The following SCIN variants were observed in gnomAD, a reference collection of about 807,000 sequenced individuals.
The protein encoded by SCIN is scinderin.
SCIN carries 91 observed loss-of-function variants against 91.8 expected under a neutral mutation model. The ratio of observed to expected loss-of-function variants is 0.99; its 90% CI spans 0.84 to 1.18. The LOEUF is 1.18. Ranked by LOEUF, SCIN falls within the 50% of genes most tolerant of loss-of-function variation. The pLI is 0.00. For missense variants in SCIN, 1,087 were observed against 863.9 expected, an observed-to-expected ratio of 1.26 and a Z score of -3.24; for synonymous variants, 367 against 312.6, an observed-to-expected ratio of 1.17 and a Z score of -1.84.
chr7:12,587,366 G>A (rs1378724609), intron 3 of SCIN, among the ~76,000 whole-genome samples: 1 of 152,196 alleles, frequency 6.6e-6, no homozygotes, highest in Non-Finnish European at 1.5e-5. Context: ...TGAGGATGAG[G>A]ATGGATGTGT....
chr7:12,645,697 G>A (rs572548536), intron 13 of SCIN, among the ~76,000 whole-genome samples: 27 of 152,124 alleles, frequency 1.8e-4, no homozygotes, highest in South Asian at 1.7e-3. Flanking sequence ...CTATGTGTCC[G>A]TGTGTTCTCA....
chr7:12,602,053 C>T (rs369818990), intron 3 of SCIN, among the ~76,000 whole-genome samples: 2 of 152,124 alleles, frequency 1.3e-5, no homozygotes, highest in Non-Finnish European at 1.5e-5. Flanking sequence ...AGCCAGATAT[C>T]GGCGGAACCC....
At chr7:12,634,682 C>T (rs893650984) in intron 9 of SCIN, among the ~76,000 whole-genome samples, 1 of 152,112 alleles carries the variant, frequency 6.6e-6, no homozygotes, top group African/African-American at 2.4e-5. Context: ...AATGCTTTTA[C>T]CATGTTTGGG....
At chr7:12,574,238 A>G (rs988582866) in intron 1 of SCIN, among the ~76,000 whole-genome samples, 11 of 152,170 alleles carry the variant, frequency 7.2e-5, no homozygotes, top group Admixed American at 5.2e-4. Context: ...ATTGATACAT[A>G]CAACAACTTG....
In SCIN at chr7:12,658,953, GT is replaced by G; in HGVS notation, c.*6243del. On this transcript the variant is annotated 3_prime_UTR_variant, in exon 16 of 16. Coordinates refer to ENST00000297029, the MANE Select transcript of SCIN (RefSeq NM_001112706.3). Reference sequence around the variant, plus strand: ...TTTATGTTTTTTGTTGTTGTTGTTTGTTTTTGTTTTGTTTTGTTTTGAGATG... The same window carrying G: ...TTTATGTTTTTTGTTGTTGTTGTTTGTTTTGTTTTGTTTTGTTTTGAGATG... 1 of 151,648 alleles carries G rather than the reference GT, an allele frequency of 6.6e-6. No homozygotes were observed. Among genetic ancestry groups the G allele is most frequent in the Non-Finnish European group, 1.5e-5 (1 of 68,076 alleles). 9.4% of individuals were successfully genotyped at this position (151,648 alleles called of 1,614,324 possible). A position where few individuals can be genotyped will look rare whatever the true frequency, so the allele number is the denominator to read the frequency against.
intron 3 of SCIN, among the ~76,000 whole-genome samples, chr7:12,585,473 G>A (rs986868877): frequency 1.3e-5 from 2 of 152,068 alleles, no homozygotes; most frequent in South Asian, 4.2e-4. Flanking sequence ...CTACCCATGA[G>A]TCAATCTAAA....
intron 1 of SCIN, chr7:12,577,668 A>T: frequency 2.3e-6 from 1 of 442,626 alleles, no homozygotes; most frequent in Non-Finnish European, 4.4e-6. Context: ...CCTGGGCAAC[A>T]TATGGAGACC....
intron 3 of SCIN, among the ~76,000 whole-genome samples, chr7:12,602,965 T>A (rs746282729): frequency 6.6e-6 from 1 of 152,160 alleles, no homozygotes; most frequent in Non-Finnish European, 1.5e-5. Context: ...AGAGCATTAT[T>A]TGGGAAGTGA....
Position 12,581,145 on chromosome 7 carries a change from T to C in SCIN, c.440T>C (p.Val147Ala). Residue 147 changes from valine to alanine, a missense_variant, in exon 3 of 16, where the codon GTG becomes GCG. Val to Ala is a moderately conservative substitution (Grantham distance 64). Coordinates refer to ENST00000297029, the MANE Select transcript of SCIN (RefSeq NM_001112706.3). ...CTCCTACATGTGAAGGGTCGTAGAG[T>C]GGTGAGAGCCACAGAAGTTCCCCTT... ...KRLLHVKGRRVVRATEVPLSW... is the reference protein window; with the variant it reads ...KRLLHVKGRRAVRATEVPLSW... The C allele has an allele frequency of 1.3e-6, 2 of 1,551,322 alleles. No individual in the cohort carries two copies. Among genetic ancestry groups the C allele is most frequent in the Non-Finnish European group, 1.7e-6 (2 of 1,146,828 alleles).
At chr7:12,627,915 T>C (rs1783561168) in intron 8 of SCIN, among the ~76,000 whole-genome samples, 1 of 152,094 alleles carries the variant, frequency 6.6e-6, no homozygotes, top group Non-Finnish European at 1.5e-5. Flanking sequence ...CTCACTAGGA[T>C]AGTATGGGGT....
At position 12,578,143 on chromosome 7, in the gene SCIN, A is replaced by G; in HGVS notation, c.279A>G (p.Pro93=). The G allele has an allele frequency of 6.4e-7, 1 of 1,551,572 alleles. No individual in the cohort carries two copies. Among genetic ancestry groups the G allele is most frequent in the Non-Finnish European group, 8.7e-7 (1 of 1,146,810 alleles). Residue 93 remains proline (P), a synonymous_variant, in exon 2 of 16, where the codon CCA becomes CCG. Coordinates refer to ENST00000297029, the MANE Select transcript of SCIN (RefSeq NM_001112706.3). ...TGGATGACTATTTGGGTGGCAAGCC[A>G]GTGCAGAATAGAGAACTTCAAGGAT... ...VQMDDYLGGK[P]VQNRELQGYE... is the part of the protein sequence containing the mutation.
chr7:12,622,597 C>G (rs139981080), intron 4 of SCIN, among the ~76,000 whole-genome samples: 2 of 151,996 alleles, frequency 1.3e-5, no homozygotes, highest in South Asian at 2.1e-4. Context: ...AACAAGCAAC[C>G]TCAGTGCTTG....
chr7:12,636,144 AT>A lies in SCIN; in HGVS notation c.1410+14del. 6.2e-7 allele frequency: 1 copy of A among 1,604,022 alleles called. No individual in the cohort carries two copies. ...GAGGACAGGCTGTGCAGGTTGGGAT[AT>A]TTTTACCCCCAAAACTCACACAAGT... On this transcript the variant is annotated intron_variant, in intron 10 of 15. Transcript: ENST00000297029.
intron 1 of SCIN, chr7:12,571,263 C>T: frequency 6.3e-6 from 3 of 479,806 alleles, no homozygotes; most frequent in South Asian, 5.4e-5. Flanking sequence ...TGGTGACTGG[C>T]TTCTTCCCCT....
chr7:12,577,148 T>G lies in SCIN; in HGVS notation c.200-916T>G, dbSNP rs142375583. 2.0e-3 allele frequency among the ~76,000 whole-genome samples: 298 copies of G among 152,300 alleles called. 1 individual carries two copies. Among genetic ancestry groups the G allele is most frequent in the African/African-American group, 6.9e-3 (287 of 41,566 alleles). On this transcript the variant is annotated intron_variant, in intron 1 of 15. Transcript: ENST00000297029. ...ATACCTGGAACAATACCAAGTACATTAACACTTAATAAATGTTAGCGTGCT... is the reference window on the plus strand; with the variant it reads ...ATACCTGGAACAATACCAAGTACATGAACACTTAATAAATGTTAGCGTGCT...
rs1175957623 is a variant in SCIN, at chr7:12,577,867, A to G, written c.200-197A>G. 4 of 544,596 alleles carry G rather than the reference A, an allele frequency of 7.3e-6. No individual in the cohort carries two copies. In the South Asian group the frequency reaches 1.1e-4, roughly 15 times the overall value. The allele number at this position is 544,596 out of a possible 1,614,324, so 33.7% of individuals were successfully genotyped here. On this transcript the variant is annotated intron_variant, in intron 1 of 15. Coordinates refer to ENST00000297029, the MANE Select transcript of SCIN (RefSeq NM_001112706.3). ...CAACACCCTCTCTCAAAAAAAAAAAAAATAGACTAAAAAAATTGTTAATTA... is the reference window on the plus strand; with the variant it reads ...CAACACCCTCTCTCAAAAAAAAAAAGAATAGACTAAAAAAATTGTTAATTA...
At position 12,652,633 on chromosome 7, in the gene SCIN, C is replaced by A. The variant is rs1242770609; in HGVS notation, c.2066C>A (p.Thr689Lys). 1 of 1,612,246 alleles carries A rather than the reference C, an allele frequency of 6.2e-7. No individual in the cohort carries two copies. The highest frequency in any genetic ancestry group is 1.1e-5 in the South Asian group (1 of 90,732). ...ETDPSGRDKR[T>K]PIVIIKQGHE... Reference sequence around the variant, plus strand: ...GACCCTTCTGGAAGAGACAAGAGGACACCAATTGTCATCATAAAACAGGGC... The same window carrying A: ...GACCCTTCTGGAAGAGACAAGAGGAAACCAATTGTCATCATAAAACAGGGC... Residue 689 changes from threonine (T) to lysine (K), a missense_variant, in exon 16 of 16, where the codon ACA becomes AAA. Coordinates refer to ENST00000297029, the MANE Select transcript of SCIN (RefSeq NM_001112706.3).
rs531726295 is a variant in SCIN at position 12,638,026 on chromosome 7, C to T, written c.1410+1891C>T. 1.1e-3 allele frequency among the ~76,000 whole-genome samples: 172 copies of T among 152,316 alleles called. 1 individual carries two copies. The highest frequency in any genetic ancestry group is 3.9e-3 in the African/African-American group (161 of 41,576). On this transcript the variant is annotated intron_variant, in intron 10 of 15. Transcript: ENST00000297029. ...CTAGCCTGGTTCAATCTTCTGTACT[C>T]TCCTAAGTTCAACTGCTCCTCCTTT...
intron 3 of SCIN, among the ~76,000 whole-genome samples, chr7:12,581,945 C>T (rs1002714301): frequency 2.6e-5 from 4 of 152,148 alleles, no homozygotes; most frequent in African/African-American, 9.7e-5. Context: ...CACTGAAAAG[C>T]CATGTGCAAA....
Sources: allele counts gnomAD v4.1 joint callset (sites outside exome capture counted in the v4.1 genomes callset), GRCh38; gene constraint gnomAD v4.1.1; transcripts MANE v1.5; gene names NCBI Gene and HGNC (gene_info 2026-07-23, HGNC 2026-07-21).